BBX: variants seen among roughly 807,000 people sequenced by gnomAD.
BBX encodes the protein BBX high mobility group box domain containing.
A neutral mutation model predicts 100.2 loss-of-function variants in BBX; 30 were observed. The observed-to-expected ratio is 0.30, with a 90% CI of 0.22 to 0.41. The LOEUF is 0.41. Among genes scored for constraint, BBX ranks in the 10% least tolerant of loss-of-function variants. The pLI is 1.00. For missense variants in BBX, 1,023 were observed against 1,129.8 expected (o/e 0.91, Z 1.35); for synonymous variants, 376 against 388.1 (o/e 0.97, Z 0.37).
At chr3:107,603,316 G>A (rs2107627683) in intron 2 of BBX, among the ~76,000 whole-genome samples, 1 of 152,136 alleles carries the variant, frequency 6.6e-6, no homozygotes, top group Non-Finnish European at 1.5e-5. Flanking sequence ...ACATCTCCTG[G>A]TACAGATCCA....
intron 9 of BBX, among the ~76,000 whole-genome samples, chr3:107,755,203 CAG>C (rs1232355048): frequency 6.6e-6 from 1 of 152,152 alleles, no homozygotes; most frequent in Non-Finnish European, 1.5e-5. Context: ...TGTCTTTCCA[CAG>C]AGATCCCAGA....
At chr3:107,632,892 C>A (rs1029539545) in intron 2 of BBX, among the ~76,000 whole-genome samples, 1 of 152,142 alleles carries the variant, frequency 6.6e-6, no homozygotes, top group Non-Finnish European at 1.5e-5. Flanking sequence ...TCTGACAAAT[C>A]CTTTTGCTCT....
intron 3 of BBX, among the ~76,000 whole-genome samples, chr3:107,682,821 T>C (rs1379004049): frequency 2.0e-5 from 3 of 152,146 alleles, no homozygotes; most frequent in African/African-American, 7.2e-5. Flanking sequence ...TTTGAACAAG[T>C]GTGAAAAGAT....
At chr3:107,795,819 C>A (rs1176474555) in intron 15 of BBX, among the ~76,000 whole-genome samples, 2 of 151,984 alleles carry the variant, frequency 1.3e-5, no homozygotes, top group Non-Finnish European at 2.9e-5. Context: ...TTGCAATCAA[C>A]CCTTTTGCAG....
intron 13 of BBX, 98 bp from the exon 14 acceptor site, chr3:107,789,689 T>G (rs2068791616): frequency 1.2e-6 from 1 of 843,580 alleles, no homozygotes; most frequent in African/African-American, 1.7e-5. Context: ...ATTTGCTTAT[T>G]CCACAGGAGG....
intron 2 of BBX, among the ~76,000 whole-genome samples, chr3:107,541,421 G>A (rs1383290101): frequency 6.6e-6 from 1 of 152,106 alleles, no homozygotes; most frequent in East Asian, 1.9e-4. Context: ...TGCCCTGTGA[G>A]CTACAAAATA....
chr3:107,630,151 G>C (rs1414105386), intron 2 of BBX, among the ~76,000 whole-genome samples: 1 of 152,136 alleles, frequency 6.6e-6, no homozygotes, highest in African/African-American at 2.4e-5. Context: ...AGCTTTTCCA[G>C]CTCTGGATGC....
At position 107,541,797 on chromosome 3, in the gene BBX, A is replaced by G. The variant is rs2048886196; in HGVS notation, c.-84+15399A>G. ...AACTTGATATTAACTGATGTTTTTA[A>G]AGAAGTATAAGCAAATTCTATAATT... On this transcript the variant is annotated intron_variant, in intron 2 of 17. Coordinates refer to ENST00000325805, the MANE Select transcript of BBX (RefSeq NM_001142568.3). 2.0e-5 allele frequency among the ~76,000 whole-genome samples: 3 copies of G among 151,982 alleles called. No homozygotes were observed. In the South Asian group the frequency reaches 6.2e-4, roughly 32 times the overall value.
chr3:107,665,789 C>G (rs1032584103), intron 3 of BBX, among the ~76,000 whole-genome samples: 6 of 152,260 alleles, frequency 3.9e-5, no homozygotes, highest in Admixed American at 6.5e-5. Flanking sequence ...TACAGCATAA[C>G]CCCATGTCTT....
At chr3:107,723,097 T>A (rs1470377517) in intron 5 of BBX, among the ~76,000 whole-genome samples, 2 of 152,060 alleles carry the variant, frequency 1.3e-5, no homozygotes, top group African/African-American at 4.8e-5. Flanking sequence ...TTTTGGTAGA[T>A]GATACTTCAT....
At chr3:107,576,711 GATCT>G (rs1203791117) in intron 2 of BBX, among the ~76,000 whole-genome samples, 1 of 151,904 alleles carries the variant, frequency 6.6e-6, no homozygotes, top group Non-Finnish European at 1.5e-5. Context: ...AATATTGATT[GATCT>G]ATCTATCTAG....
chr3:107,678,591 G>A (rs541171724), intron 3 of BBX, among the ~76,000 whole-genome samples: 19 of 152,112 alleles, frequency 1.2e-4, no homozygotes, highest in Middle Eastern at 3.4e-3. Context: ...GGGTGTGGTG[G>A]TGCACGCCTG....
At chr3:107,607,555 T>G (rs2054542518) in intron 2 of BBX, among the ~76,000 whole-genome samples, 2 of 152,226 alleles carry the variant, frequency 1.3e-5, no homozygotes, top group African/African-American at 2.4e-5. Context: ...TGATTTGCTT[T>G]CTTTTAGGTA....
intron 3 of BBX, among the ~76,000 whole-genome samples, chr3:107,671,033 C>T (rs1168009004): frequency 6.6e-6 from 1 of 151,602 alleles, no homozygotes. Context: ...CTGTTTTATC[C>T]TTAAACATGT....
intron 2 of BBX, among the ~76,000 whole-genome samples, chr3:107,621,893 T>C (rs930152334): frequency 2.0e-5 from 3 of 152,224 alleles, no homozygotes; most frequent in African/African-American, 7.2e-5. Flanking sequence ...CACCAGTAAT[T>C]TGTTTTTCTA....
intron 2 of BBX, among the ~76,000 whole-genome samples, chr3:107,569,421 C>G (rs2051176266): frequency 6.6e-6 from 1 of 151,048 alleles, no homozygotes; most frequent in Non-Finnish European, 1.5e-5. Context: ...TTTATGACAA[C>G]AAGGCTGTTT....
At chr3:107,636,402 A>C (rs2056854951) in intron 2 of BBX, among the ~76,000 whole-genome samples, 1 of 152,254 alleles carries the variant, frequency 6.6e-6, no homozygotes, top group African/African-American at 2.4e-5. Context: ...GCTGCTTAAG[A>C]AAAGCTAATA....
intron 4 of BBX, 134 bp from the exon 5 acceptor site, chr3:107,716,473 A>G (rs1390745803): frequency 8.9e-7 from 1 of 1,123,034 alleles, no homozygotes; most frequent in Non-Finnish European, 1.2e-6. Context: ...ATTTTTTAAA[A>G]TTATATTTTT....
chr3:107,596,833 C>G (rs1430453460), intron 2 of BBX, among the ~76,000 whole-genome samples: 1 of 152,156 alleles, frequency 6.6e-6, no homozygotes, highest in Non-Finnish European at 1.5e-5. Flanking sequence ...ATCTGGAACA[C>G]TTCGTTGATC....
Sources: allele counts gnomAD v4.1 joint callset (sites outside exome capture counted in the v4.1 genomes callset), GRCh38; gene constraint gnomAD v4.1.1; transcripts MANE v1.5; gene names NCBI Gene and HGNC (gene_info 2026-07-23, HGNC 2026-07-21).